The following LRRTM3 variants were observed in gnomAD, a reference collection of about 807,000 sequenced individuals.
LRRTM3 encodes leucine rich repeat transmembrane neuronal 3.
LRRTM3 carries 24 observed loss-of-function variants against 44.7 expected under a neutral mutation model. The observed-to-expected ratio is 0.54, with a 90% CI of 0.39 to 0.76. The LOEUF (loss-of-function observed/expected upper bound fraction) is 0.76, where lower values mean the gene tolerates loss of function less well. Among genes scored for constraint, LRRTM3 ranks in the 30% least tolerant of loss-of-function variants. The probability of loss-of-function intolerance (pLI) is 0.00; values close to 1 mark genes in which losing one functional copy is unlikely to be tolerated. For missense variants in LRRTM3, 587 were observed against 702.2 expected (o/e 0.84, Z 1.85); for synonymous variants, 277 against 278.7 (o/e 0.99, Z 0.06).
chr10:66,950,490 G>A (rs1272595224), intron 2 of LRRTM3, among the ~76,000 whole-genome samples: 1 of 151,992 alleles, frequency 6.6e-6, no homozygotes, highest in Non-Finnish European at 1.5e-5. Flanking sequence ...TGAGACTCTA[G>A]TATATTAAAC....
chr10:66,928,110 G>A lies in LRRTM3; in HGVS notation c.1194G>A (p.Thr398=), dbSNP rs997661924. 5 of 1,614,068 alleles carry A rather than the reference G, an allele frequency of 3.1e-6. No individual in the cohort carries two copies. The highest frequency in any genetic ancestry group is 1.3e-5 in the African/African-American group (1 of 75,050). ...KHESKPPLPP[T]VGATEPGPET... is the part of the protein sequence containing the mutation. ...AGAGCAAACCCCCTTTGCCCCCGAC[G>A]GTGGGAGCCACAGAGCCCGGCCCAG... The change falls in exon 2 of 3, where the codon ACG becomes ACA. Residue 398 remains threonine, a synonymous_variant. Coordinates refer to ENST00000361320, the MANE Select transcript of LRRTM3 (RefSeq NM_178011.5).
intron 2 of LRRTM3, among the ~76,000 whole-genome samples, chr10:67,030,483 A>G (rs1469571142): frequency 6.6e-6 from 1 of 152,134 alleles, no homozygotes; most frequent in Non-Finnish European, 1.5e-5. Context: ...TAATATATTC[A>G]CACCCACACA....
At chr10:66,973,436 C>T (rs943026008) in intron 2 of LRRTM3, among the ~76,000 whole-genome samples, 39 of 152,230 alleles carry the variant, frequency 2.6e-4, no homozygotes, top group Non-Finnish European at 2.9e-5. Context: ...AATAAAGTAT[C>T]TGTAAGCTTA....
chr10:67,087,536 TTAAAA>T (rs1234091116), intron 2 of LRRTM3, among the ~76,000 whole-genome samples: 3 of 151,696 alleles, frequency 2.0e-5, no homozygotes, highest in Admixed American at 6.6e-5. Context: ...TAAAATAAGT[TTAAAA>T]TAAAATAAAG....
At chr10:66,936,533 T>C (rs1031442787) in intron 2 of LRRTM3, among the ~76,000 whole-genome samples, 3 of 152,134 alleles carry the variant, frequency 2.0e-5, no homozygotes, top group African/African-American at 7.2e-5. Context: ...ATCTTAATTC[T>C]TTGAGTGCAC....
At chr10:67,005,409 C>T (rs1402257870) in intron 2 of LRRTM3, among the ~76,000 whole-genome samples, 2 of 152,052 alleles carry the variant, frequency 1.3e-5, no homozygotes, top group Non-Finnish European at 2.9e-5. Context: ...TAGTTCATTT[C>T]CTTCATTGTA....
At chr10:67,087,867 A>G (rs1258833649) in intron 2 of LRRTM3, among the ~76,000 whole-genome samples, 1 of 152,118 alleles carries the variant, frequency 6.6e-6, no homozygotes, top group Non-Finnish European at 1.5e-5. Flanking sequence ...CATTCATTCA[A>G]TAAATACACA....
intron 2 of LRRTM3, among the ~76,000 whole-genome samples, chr10:67,033,393 A>G (rs1443895473): frequency 1.3e-5 from 2 of 152,176 alleles, no homozygotes; most frequent in African/African-American, 4.8e-5. Context: ...TCTCCCATCA[A>G]TTTTTGAGGA....
intron 2 of LRRTM3, among the ~76,000 whole-genome samples, chr10:66,946,985 C>T (rs1848307199): frequency 3.3e-5 from 5 of 152,092 alleles, no homozygotes; most frequent in African/African-American, 7.2e-5. Context: ...ATGTACACAA[C>T]CAGCTCCAAG....
At chr10:67,085,238 G>A (rs527957706) in intron 2 of LRRTM3, among the ~76,000 whole-genome samples, 11 of 151,868 alleles carry the variant, frequency 7.2e-5, no homozygotes, top group Non-Finnish European at 1.5e-4. Flanking sequence ...AAAGAAAATT[G>A]TCTACATATA....
rs769772215 is a variant in LRRTM3, at chr10:66,927,272, A to C, written c.356A>C (p.Asn119Thr). ...CTCAAAGAGCTGATTCTTAGTTCCA[A>C]TAGAATCTCCTATTTTCTTAACAAT... is the stretch of plus-strand genomic sequence containing the variant. ...RRLKELILSSNRISYFLNNTF... is the reference protein window; with the variant it reads ...RRLKELILSSTRISYFLNNTF... Residue 119 changes from asparagine to threonine, a missense_variant, in exon 2 of 3, where the codon AAT becomes ACT. By Grantham distance (65) the Asn-to-Thr change is moderately conservative. This residue lies in a region of LRRTM3 where 222 missense variants were observed against 323.3 expected (regional missense o/e 0.69). Transcript: ENST00000361320. This position sits in a 1 kb window ranked among gnomAD's most constrained non-coding sequence, Gnocchi z 4.7. 1 of 1,614,040 alleles carries C rather than the reference A, an allele frequency of 6.2e-7. No individual in the cohort carries two copies. Among genetic ancestry groups the C allele is most frequent in the Non-Finnish European group, 8.5e-7 (1 of 1,179,966 alleles).
At chr10:67,071,646 C>T (rs996939278) in intron 2 of LRRTM3, among the ~76,000 whole-genome samples, 1 of 152,004 alleles carries the variant, frequency 6.6e-6, no homozygotes, top group East Asian at 1.9e-4. Context: ...TTGTGTGTGG[C>T]GGTCTTTCCA....
At chr10:66,956,120 C>T (rs1483149054) in intron 2 of LRRTM3, among the ~76,000 whole-genome samples, 2 of 151,930 alleles carry the variant, frequency 1.3e-5, no homozygotes, top group African/African-American at 4.8e-5. Flanking sequence ...GGAAGAAGAA[C>T]CTTTTTGCTT....
intron 2 of LRRTM3, among the ~76,000 whole-genome samples, chr10:67,039,494 T>A (rs563159774): frequency 1.4e-4 from 22 of 152,284 alleles, no homozygotes; most frequent in Middle Eastern, 6.8e-3. Flanking sequence ...ATTTTTAAAT[T>A]ATGCCTCTAT....
intron 2 of LRRTM3, among the ~76,000 whole-genome samples, chr10:66,965,391 C>T (rs748058703): frequency 7.3e-5 from 11 of 151,420 alleles, no homozygotes; most frequent in East Asian, 1.9e-4. Flanking sequence ...AAAAATTAGC[C>T]GGGTGTGGTG....
At chr10:67,032,098 T>C (rs957977169) in intron 2 of LRRTM3, among the ~76,000 whole-genome samples, 6 of 152,192 alleles carry the variant, frequency 3.9e-5, no homozygotes, top group Admixed American at 6.5e-5. Flanking sequence ...TCATGAAATC[T>C]TCACCATTTT....
intron 2 of LRRTM3, among the ~76,000 whole-genome samples, chr10:67,069,138 A>C (rs1564869502): frequency 6.6e-6 from 1 of 152,052 alleles, no homozygotes; most frequent in Non-Finnish European, 1.5e-5. Flanking sequence ...TTTAAGAGGA[A>C]ATGGGAGGTA....
At chr10:67,070,485 G>A (rs1010846478) in intron 2 of LRRTM3, among the ~76,000 whole-genome samples, 13 of 151,826 alleles carry the variant, frequency 8.6e-5, no homozygotes, top group African/African-American at 3.1e-4. Context: ...GCAGTGTCTC[G>A]TGCCTGTAAT....
intron 2 of LRRTM3, among the ~76,000 whole-genome samples, chr10:67,009,828 G>A (rs1852215159): frequency 6.6e-6 from 1 of 152,106 alleles, no homozygotes; most frequent in Non-Finnish European, 1.5e-5. Context: ...TGGAGTGAGT[G>A]GCTAAAAACA....
Sources: allele counts gnomAD v4.1 joint callset (sites outside exome capture counted in the v4.1 genomes callset), GRCh38; gene constraint gnomAD v4.1.1; regional missense constraint gnomAD v4.1.1; non-coding constraint Gnocchi (gnomAD v3.1); transcripts MANE v1.5; gene names NCBI Gene and HGNC (gene_info 2026-07-23, HGNC 2026-07-21).